Variants in RGS6 observed in about 807,000 individuals in gnomAD.
RGS6 encodes regulator of G protein signaling 6.
In RGS6, 30 loss-of-function variants were observed where a neutral mutation model predicts 78.5. That is an observed-to-expected ratio of 0.38 (90% CI 0.29 to 0.52). RGS6 has a LOEUF of 0.52. Among genes scored for constraint, RGS6 ranks in the 20% least tolerant of loss-of-function variants. The pLI is 0.85. For missense variants in RGS6, 495 were observed against 609.7 expected (o/e 0.81, Z 1.98); for synonymous variants, 206 against 206.0 (o/e 1.00, Z 0.00).
intron 15 of RGS6, among the ~76,000 whole-genome samples, chr14:72,527,865 A>G (rs543391959): frequency 6.6e-6 from 1 of 152,320 alleles, no homozygotes; most frequent in South Asian, 2.1e-4. Context: ...ATGTGATTCT[A>G]GGCAGCTTAG....
the RGS6 span, among the ~76,000 whole-genome samples, chr14:71,891,447 C>T: frequency 4.8e-4 from 73 of 152,294 alleles, no homozygotes; most frequent in Middle Eastern, 3.4e-3. Context: ...CTTGGCCTCT[C>T]CAGCAGGGTG....
At chr14:72,083,032 A>G (rs934810909) in intron 2 of RGS6, among the ~76,000 whole-genome samples, 1 of 152,206 alleles carries the variant, frequency 6.6e-6, no homozygotes, top group African/African-American at 2.4e-5. Flanking sequence ...ACATACCTCT[A>G]GATGTACCAG....
At chr14:72,438,585 C>G (rs1401467045) in intron 3 of RGS6, among the ~76,000 whole-genome samples, 1 of 152,314 alleles carries the variant, frequency 6.6e-6, no homozygotes, top group East Asian at 1.9e-4. Flanking sequence ...CGAGACTCCT[C>G]TTTTTCTCAT....
rs116175351 is a variant in RGS6 at position 71,994,379 on chromosome 14, G to A, written c.84+29504G>A. On this transcript the variant is annotated intron_variant, in intron 2 of 17. Transcript: ENST00000553525. The stretch of plus-strand genomic sequence containing the variant: ...TCAATCATAACCTTCTTATTTGTAG[G>A]ATAGTTTCTCCCTGTAGGACTTGCA... 4.6e-3 allele frequency among the ~76,000 whole-genome samples: 693 copies of A among 152,102 alleles called. 6 individuals carry two copies. Among genetic ancestry groups the A allele is most frequent in the African/African-American group, 0.016 (658 of 41,478 alleles).
At chr14:72,108,865 C>G (rs1000641020) in intron 2 of RGS6, among the ~76,000 whole-genome samples, 1 of 151,842 alleles carries the variant, frequency 6.6e-6, no homozygotes, top group East Asian at 1.9e-4. Flanking sequence ...GATTTTGGAG[C>G]CAGTTTTCTT....
At chr14:72,100,365 C>T (rs1323382774) in intron 2 of RGS6, among the ~76,000 whole-genome samples, 2 of 152,050 alleles carry the variant, frequency 1.3e-5, no homozygotes, top group African/African-American at 2.4e-5. Flanking sequence ...CGTGGTGGTG[C>T]ACACCTGTAA....
In RGS6 at chr14:72,474,687, A is replaced by G; in HGVS notation, c.681A>G (p.Gln227=). The stretch of plus-strand genomic sequence containing the variant: ...AATGTCGACGTTTGAAGAATCCACA[A>G]AAGGTTAAAAAGGTTCGCTAGTTTA... ...IRKCRRLKNP[Q]KVKKSVYGVT... Residue 227 remains glutamine, a synonymous_variant, in exon 10 of 18, where the codon CAA becomes CAG. Transcript: ENST00000553525. The G allele has an allele frequency of 6.2e-7, 1 of 1,613,924 alleles. No homozygotes were observed. Among genetic ancestry groups the G allele is most frequent in the South Asian group, 1.1e-5 (1 of 91,000 alleles).
At chr14:71,879,760 C>A in the RGS6 span, among the ~76,000 whole-genome samples, 1 of 152,164 alleles carries the variant, frequency 6.6e-6, no homozygotes, top group East Asian at 1.9e-4. Flanking sequence ...TTATAAATTA[C>A]CCAGTCTTGG....
intron 2 of RGS6, among the ~76,000 whole-genome samples, chr14:72,063,687 G>A (rs1344692780): frequency 1.3e-5 from 2 of 152,160 alleles, no homozygotes; most frequent in Admixed American, 6.5e-5. Context: ...GTAGGCAAGA[G>A]GGGATGGGAC....
At chr14:72,367,870 G>GT (rs2082727121) in intron 3 of RGS6, among the ~76,000 whole-genome samples, 1 of 152,152 alleles carries the variant, frequency 6.6e-6, no homozygotes, top group Admixed American at 6.5e-5. Context: ...TAATTGATAG[G>GT]TTTGGATTAA....
At chr14:72,262,722 A>C (rs988845920) in intron 2 of RGS6, among the ~76,000 whole-genome samples, 4 of 152,180 alleles carry the variant, frequency 2.6e-5, no homozygotes, top group Non-Finnish European at 5.9e-5. Flanking sequence ...TACCTGTGAA[A>C]TTTTCTTTTC....
At chr14:72,328,585 C>G (rs74782454) in intron 2 of RGS6, among the ~76,000 whole-genome samples, 3,619 of 152,074 alleles carry the variant, frequency 0.024, 57 homozygotes, top group African/African-American at 0.052. Flanking sequence ...ATTTCCTTTC[C>G]CTCTCTAAGG....
intron 2 of RGS6, among the ~76,000 whole-genome samples, chr14:72,273,266 G>A (rs1389452356): frequency 6.6e-6 from 1 of 152,154 alleles, no homozygotes; most frequent in Non-Finnish European, 1.5e-5. Context: ...AGAAACTTGA[G>A]CCTAAAAAGA....
chr14:72,304,035 G>C (rs986060193), intron 2 of RGS6, among the ~76,000 whole-genome samples: 1 of 152,168 alleles, frequency 6.6e-6, no homozygotes, highest in South Asian at 2.1e-4. Flanking sequence ...CAACCTAACA[G>C]GTTTCACCTC....
chr14:72,213,852 C>T (rs1360569796), intron 2 of RGS6, among the ~76,000 whole-genome samples: 1 of 152,158 alleles, frequency 6.6e-6, no homozygotes, highest in Non-Finnish European at 1.5e-5. Flanking sequence ...TCTGTCCTTA[C>T]CTAAGTCTAG....
Position 71,945,275 on chromosome 14 carries a change from C to T in RGS6, c.-21+12334C>T, listed in dbSNP as rs529471027. ...GTACTTATATATTGTCTGTCTCCCTCTGCTAGAATATACATTCCATAAAAG... is the reference window on the plus strand; with the variant it reads ...GTACTTATATATTGTCTGTCTCCCTTTGCTAGAATATACATTCCATAAAAG... On this transcript the variant is annotated intron_variant, in intron 1 of 17. Transcript: ENST00000553525. 3.3e-5 allele frequency among the ~76,000 whole-genome samples: 5 copies of T among 152,326 alleles called. No individual in the cohort carries two copies. The South Asian group carries it at 1.0e-3, about 32-fold the overall frequency.
rs182615215 is a variant in RGS6, at chr14:72,243,052, A to G, written c.85-109043A>G. ...TTTTTAATAGAGTCAGGGTTTCACCACGTGGGTCAGGCTGGTCTCAAACTT... is the reference window on the plus strand; with the variant it reads ...TTTTTAATAGAGTCAGGGTTTCACCGCGTGGGTCAGGCTGGTCTCAAACTT... On this transcript the variant is annotated intron_variant, in intron 2 of 17. Coordinates refer to ENST00000553525, the MANE Select transcript of RGS6 (RefSeq NM_001204424.2). Among the ~76,000 whole-genome samples the G allele has an allele frequency of 7.6e-3, 1,161 of 151,854 alleles. 5 individuals are homozygous for G. The highest frequency in any genetic ancestry group is 0.012 in the Non-Finnish European group (788 of 67,964).
intron 2 of RGS6, among the ~76,000 whole-genome samples, chr14:71,998,415 C>G (rs963636756): frequency 2.0e-5 from 3 of 152,130 alleles, no homozygotes; most frequent in African/African-American, 7.2e-5. Flanking sequence ...AGGGCAGCCC[C>G]AGGGAAAGAT....
intron 2 of RGS6, among the ~76,000 whole-genome samples, chr14:72,237,329 T>C (rs2153819064): frequency 6.6e-6 from 1 of 152,326 alleles, no homozygotes; most frequent in South Asian, 2.1e-4. Flanking sequence ...GCAAGTCTTT[T>C]TGTAGGCATA....
Sources: allele counts gnomAD v4.1 joint callset (sites outside exome capture counted in the v4.1 genomes callset), GRCh38; gene constraint gnomAD v4.1.1; transcripts MANE v1.5; gene names NCBI Gene and HGNC (gene_info 2026-07-23, HGNC 2026-07-21).